GPHN: variants seen among roughly 807,000 people sequenced by gnomAD.
The protein encoded by GPHN is gephyrin.
In GPHN, 17 loss-of-function variants were observed where a neutral mutation model predicts 95.5. That is an observed-to-expected ratio of 0.18 (90% CI 0.12 to 0.27). GPHN has a LOEUF of 0.27. Among genes scored for constraint, GPHN ranks in the 10% least tolerant of loss-of-function variants. The pLI, the probability that GPHN is intolerant of heterozygous loss-of-function variation, is 1.00. For synonymous variants in GPHN, 320 were observed against 322.5 expected (o/e 0.99, Z 0.08); for missense variants, 660 against 978.1 (o/e 0.67, Z 4.34).
chr14:66,691,611 A>G (rs1365323953), intron 2 of GPHN, among the ~76,000 whole-genome samples: 2 of 152,194 alleles, frequency 1.3e-5, no homozygotes, highest in African/African-American at 4.8e-5. Flanking sequence ...CCTACTATTC[A>G]TGGCTGCTTT....
At chr14:67,027,531 A>G (rs1425958520) in intron 10 of GPHN, among the ~76,000 whole-genome samples, 1 of 152,002 alleles carries the variant, frequency 6.6e-6, no homozygotes, top group Non-Finnish European at 1.5e-5. Context: ...GGGTTTCACT[A>G]TGTTGCCCAG....
At chr14:66,705,917 A>G (rs1009207684) in intron 2 of GPHN, among the ~76,000 whole-genome samples, 10 of 152,192 alleles carry the variant, frequency 6.6e-5, no homozygotes, top group East Asian at 3.9e-4. Context: ...AGAAAATCCC[A>G]TTGTCTCAGC....
chr14:67,373,761 G>T, the GPHN span, among the ~76,000 whole-genome samples: 158 of 152,174 alleles, frequency 1.0e-3, no homozygotes, highest in African/African-American at 3.6e-3. Context: ...TGTTGTGAGG[G>T]TTCAAGAAGA....
the GPHN span, chr14:67,592,821 T>C: frequency 2.4e-3 from 1,839 of 767,476 alleles, 25 homozygotes; most frequent in African/African-American, 0.029. Context: ...AGTCTCTCTC[T>C]GTTGCCCAAG....
intron 4 of GPHN, among the ~76,000 whole-genome samples, chr14:66,839,443 A>C (rs1230215851): frequency 6.6e-6 from 1 of 152,212 alleles, no homozygotes. Flanking sequence ...CTTACGTGGA[A>C]TAATCCTCAG....
At chr14:67,251,894 AAG>A in the GPHN span, among the ~76,000 whole-genome samples, 1 of 152,168 alleles carries the variant, frequency 6.6e-6, no homozygotes, top group African/African-American at 2.4e-5. Flanking sequence ...TGGGAAGGCA[AAG>A]AGGGGCTAGA....
the GPHN span, among the ~76,000 whole-genome samples, chr14:67,235,851 C>T: frequency 6.6e-6 from 1 of 152,114 alleles, no homozygotes; most frequent in African/African-American, 2.4e-5. Flanking sequence ...TACCCTGAGG[C>T]TTTTGTTGAC....
intron 4 of GPHN, among the ~76,000 whole-genome samples, chr14:66,841,010 GATATA>G (rs1567006667): frequency 1.0e-3 from 144 of 144,706 alleles, no homozygotes; most frequent in African/African-American, 1.5e-3. Context: ...TATAGATATA[GATATA>G]GATATAGATA....
At chr14:67,426,665 T>G in the GPHN span, among the ~76,000 whole-genome samples, 1 of 152,182 alleles carries the variant, frequency 6.6e-6, no homozygotes, top group South Asian at 2.1e-4. Flanking sequence ...AACCTCCGCC[T>G]CCTGGATTCA....
chr14:67,057,618 C>T (rs1398394717), intron 10 of GPHN, among the ~76,000 whole-genome samples: 1 of 152,108 alleles, frequency 6.6e-6, no homozygotes, highest in African/African-American at 2.4e-5. Context: ...AAAAATAAAA[C>T]TTAACAGAAC....
chr14:67,346,374 C>T, the GPHN span, among the ~76,000 whole-genome samples: 1 of 152,112 alleles, frequency 6.6e-6, no homozygotes, highest in African/African-American at 2.4e-5. Context: ...TGCAGTGGTG[C>T]GATCTCAGCT....
chr14:66,651,332 AAAACCAAACTGGAATTAT>A (rs957542407), intron 1 of GPHN, among the ~76,000 whole-genome samples: 1 of 152,176 alleles, frequency 6.6e-6, no homozygotes, highest in African/African-American at 2.4e-5. Context: ...GGCTCCATTC[AAAACCAAACTGGAATTAT>A]GGGGGTGATG....
the GPHN span, among the ~76,000 whole-genome samples, chr14:67,379,684 TCG>T: frequency 8.3e-6 from 1 of 120,822 alleles, no homozygotes; most frequent in Non-Finnish European, 1.6e-5. Context: ...AGACGGAGTC[TCG>T]CTCTGTCGCC....
At chr14:66,535,100 T>C (rs1482838669) in intron 1 of GPHN, among the ~76,000 whole-genome samples, 1 of 152,144 alleles carries the variant, frequency 6.6e-6, no homozygotes, top group East Asian at 1.9e-4. Context: ...CTTTTTGAAA[T>C]TGTATTACTT....
At chr14:67,089,156 T>TTTTTTTTTTTTTTTTTTTTTTA (rs2077047937) in intron 12 of GPHN, 81 bp downstream of exon 12, 1 of 508,090 alleles carries the variant, frequency 2.0e-6, no homozygotes, top group Non-Finnish European at 3.6e-6. Flanking sequence ...TTTTTTTTTT[T>TTTTTTTTTTTTTTTTTTTTTTA]TTCAAATTTT....
the GPHN span, among the ~76,000 whole-genome samples, chr14:67,420,310 G>A: frequency 1.3e-5 from 2 of 152,208 alleles, no homozygotes; most frequent in Non-Finnish European, 2.9e-5. Flanking sequence ...GATGCTGCCC[G>A]CCGCTAGGTG....
chr14:67,236,153 C>T, the GPHN span, among the ~76,000 whole-genome samples: 1 of 152,128 alleles, frequency 6.6e-6, no homozygotes, highest in African/African-American at 2.4e-5. Flanking sequence ...ACTATATACT[C>T]ACCATGTTGT....
chr14:66,736,723 G>T (rs2072320917), intron 2 of GPHN, among the ~76,000 whole-genome samples: 1 of 151,936 alleles, frequency 6.6e-6, no homozygotes, highest in African/African-American at 2.4e-5. Context: ...CTGTTTTCTT[G>T]CCTGTGTGCC....
At chr14:66,609,079 ATGGGCTATATGCT>A (rs2062670432) in intron 1 of GPHN, among the ~76,000 whole-genome samples, 1 of 152,054 alleles carries the variant, frequency 6.6e-6, no homozygotes, top group East Asian at 1.9e-4. Flanking sequence ...TATAGTGTCT[ATGGGCTATATGCT>A]TAATTGTGTT....
Sources: gnomAD v4.1 joint callset for allele counts (sites outside exome capture counted in the v4.1 genomes callset) on GRCh38, gnomAD v4.1.1 for gene constraint, MANE v1.5 for transcripts, NCBI Gene and HGNC (gene_info 2026-07-23, HGNC 2026-07-21) for gene names.